The following ARHGAP20 variants were observed in gnomAD, a reference collection of about 807,000 sequenced individuals.
The protein encoded by ARHGAP20 is rho GTPase-activating protein 20.
Under a neutral mutation model 73.7 loss-of-function variants are expected in ARHGAP20, and 34 were observed. That is an observed-to-expected ratio of 0.46 (90% CI 0.35 to 0.61). The LOEUF (loss-of-function observed/expected upper bound fraction) is 0.61. ARHGAP20 is among the 20% of genes least tolerant of loss of function. The pLI, the probability that ARHGAP20 is intolerant of heterozygous loss-of-function variation, is 0.00. For missense variants in ARHGAP20, 1,314 were observed against 1,420.9 expected (o/e 0.92, Z 1.21); for synonymous variants, 523 against 518.2 (o/e 1.01, Z -0.13).
chr11:110,686,051 A>G (rs2135105361), intron 2 of ARHGAP20, among the ~76,000 whole-genome samples: 1 of 152,240 alleles, frequency 6.6e-6, no homozygotes, highest in South Asian at 2.1e-4. Context: ...CTATTTGCAA[A>G]AATTTGCATT....
chr11:110,648,154 A>AATATATATATATATATGTAAAT (rs370220401), intron 2 of ARHGAP20, among the ~76,000 whole-genome samples: 1 of 131,316 alleles, frequency 7.6e-6, no homozygotes, highest in Non-Finnish European at 1.6e-5. Context: ...TGATATATAT[A>AATATATATATATATATGTAAAT]ATATATATAT....
At chr11:110,640,809 G>A (rs955065979) in intron 2 of ARHGAP20, among the ~76,000 whole-genome samples, 34 of 151,982 alleles carry the variant, frequency 2.2e-4, no homozygotes, top group Admixed American at 2.0e-3. Context: ...TGTATATGAC[G>A]AGTTAATGGG....
chr11:110,634,400 A>G (rs1948920931), intron 2 of ARHGAP20, among the ~76,000 whole-genome samples: 1 of 152,142 alleles, frequency 6.6e-6, no homozygotes, highest in East Asian at 1.9e-4. Context: ...ACTATCCCTC[A>G]TTTTACAGAT....
At chr11:110,588,980 G>A (rs995140656) in intron 11 of ARHGAP20, among the ~76,000 whole-genome samples, 1 of 152,080 alleles carries the variant, frequency 6.6e-6, no homozygotes, top group African/African-American at 2.4e-5. Flanking sequence ...GCTGAGGCAG[G>A]AGAATGGCGT....
chr11:110,587,304 C>T (rs984485107), intron 11 of ARHGAP20, among the ~76,000 whole-genome samples: 33 of 152,148 alleles, frequency 2.2e-4, no homozygotes, highest in Admixed American at 6.5e-5. Context: ...AACTCAATAT[C>T]GTGTTTAAGT....
At chr11:110,681,767 A>G (rs1565474980) in intron 2 of ARHGAP20, among the ~76,000 whole-genome samples, 1 of 152,212 alleles carries the variant, frequency 6.6e-6, no homozygotes, top group Admixed American at 6.5e-5. Flanking sequence ...GAATGAACCC[A>G]AAGTGGAAGC....
Position 110,580,250 on chromosome 11 carries a change from A to G in ARHGAP20, c.2696T>C (p.Ile899Thr). 6.2e-7 allele frequency: 1 copy of G among 1,614,246 alleles called. No individual in the cohort carries two copies. Among genetic ancestry groups the G allele is most frequent in the Non-Finnish European group, 8.5e-7 (1 of 1,180,040 alleles). The stretch of plus-strand genomic sequence containing the variant: ...AATCCCCATGACTAAACTCTGATTA[A>G]TGAGCTTCTGCCCCTCCATTTGCAA... Reference protein sequence around the residue: ...KSLQMEGQKLINQSLVMGIEV... With the variant: ...KSLQMEGQKLTNQSLVMGIEV... Residue 899 changes from isoleucine (I) to threonine (T), a missense_variant, in exon 15 of 15, where the codon ATT (isoleucine) becomes ACT (threonine). Physicochemically the swap from Ile to Thr is moderately conservative, Grantham distance 89 (BLOSUM62 -1). Transcript: ENST00000683387.
At chr11:110,634,446 C>G (rs1948921715) in intron 2 of ARHGAP20, among the ~76,000 whole-genome samples, 1 of 152,052 alleles carries the variant, frequency 6.6e-6, no homozygotes, top group African/African-American at 2.4e-5. Context: ...TATACTGCTA[C>G]TAAGGTGATT....
chr11:110,668,392 G>T (rs554288604), intron 2 of ARHGAP20, among the ~76,000 whole-genome samples: 1 of 152,310 alleles, frequency 6.6e-6, no homozygotes, highest in South Asian at 2.1e-4. Context: ...GCTCACACCT[G>T]TAATCCCAGC....
intron 2 of ARHGAP20, among the ~76,000 whole-genome samples, chr11:110,651,742 C>T (rs902023741): frequency 2.2e-5 from 3 of 135,336 alleles, no homozygotes; most frequent in African/African-American, 9.2e-5. Context: ...AAACAGCCTA[C>T]CAACCAAAAA....
chr11:110,646,935 A>G (rs1267856966), intron 2 of ARHGAP20, among the ~76,000 whole-genome samples: 1 of 152,122 alleles, frequency 6.6e-6, no homozygotes, highest in Non-Finnish European at 1.5e-5. Context: ...GAAGCACATA[A>G]CAGATACTTG....
intron 2 of ARHGAP20, among the ~76,000 whole-genome samples, chr11:110,639,744 C>G (rs1949043002): frequency 6.6e-6 from 1 of 151,944 alleles, no homozygotes; most frequent in Non-Finnish European, 1.5e-5. Context: ...AAGATCTGTT[C>G]ATGTTGTAGC....
intron 9 of ARHGAP20, among the ~76,000 whole-genome samples, chr11:110,599,438 C>T (rs960911718): frequency 2.0e-5 from 3 of 152,200 alleles, no homozygotes; most frequent in South Asian, 2.1e-4. Context: ...GGAAGCCGAT[C>T]GGGGGCTGAG....
At position 110,577,792 on chromosome 11, in the gene ARHGAP20, C is replaced by A. The variant is rs767750857; in HGVS notation, c.*1578G>T. 80 of 985,712 alleles carry A rather than the reference C, an allele frequency of 8.1e-5. No individual in the cohort carries two copies. Among genetic ancestry groups the A allele is most frequent in the Non-Finnish European group, 9.0e-5 (75 of 829,934 alleles). The allele number at this position is 985,712 out of a possible 1,614,324, so 61.1% of individuals were successfully genotyped here. A position where few individuals can be genotyped will look rare whatever the true frequency, so the allele number is the denominator to read the frequency against. Reference sequence around the variant, plus strand: ...GGCCATGTCCCCAAGAGGTAGGTAGCACCTATAGCTAATACTGAAATAACT... The same window carrying A: ...GGCCATGTCCCCAAGAGGTAGGTAGAACCTATAGCTAATACTGAAATAACT... On this transcript the variant is annotated 3_prime_UTR_variant, in exon 15 of 15. Transcript: ENST00000683387.
At position 110,595,380 on chromosome 11, in the gene ARHGAP20, A is replaced by G. The variant is rs1158546604; in HGVS notation, c.965-3225T>C. On this transcript the variant is annotated intron_variant, in intron 9 of 14. Coordinates refer to ENST00000683387, the MANE Select transcript of ARHGAP20 (RefSeq NM_001384657.1). ...CCCTGTTTGCAGATGACACGATTGTATATCTAGAAAACCCCATGGTCTCAG... is the reference window on the plus strand; with the variant it reads ...CCCTGTTTGCAGATGACACGATTGTGTATCTAGAAAACCCCATGGTCTCAG... Among the ~76,000 whole-genome samples, 4 of 152,224 alleles carry G rather than the reference A, an allele frequency of 2.6e-5. No homozygotes were observed. In the South Asian group the frequency reaches 8.3e-4, roughly 32 times the overall value.
At chr11:110,636,306 T>C (rs565893516) in intron 2 of ARHGAP20, among the ~76,000 whole-genome samples, 1 of 152,130 alleles carries the variant, frequency 6.6e-6, no homozygotes, top group African/African-American at 2.4e-5. Flanking sequence ...GGTTTGAGGA[T>C]CCCTGGTTTA....
intron 11 of ARHGAP20, among the ~76,000 whole-genome samples, chr11:110,588,150 G>A (rs1444961680): frequency 6.6e-6 from 1 of 152,154 alleles, no homozygotes; most frequent in African/African-American, 2.4e-5. Context: ...GGAATAACAA[G>A]TTACGAAATA....
chr11:110,627,538 C>T (rs945981007), intron 3 of ARHGAP20, among the ~76,000 whole-genome samples: 1 of 152,162 alleles, frequency 6.6e-6, no homozygotes, highest in African/African-American at 2.4e-5. Flanking sequence ...GATTTCTCCC[C>T]ATTCTAAGAT....
intron 6 of ARHGAP20, among the ~76,000 whole-genome samples, chr11:110,613,808 T>C (rs998078680): frequency 2.6e-5 from 4 of 152,330 alleles, no homozygotes; most frequent in African/African-American, 9.6e-5. Flanking sequence ...ATAACTATTT[T>C]GCACTACATA....
Sources: allele counts gnomAD v4.1 joint callset (sites outside exome capture counted in the v4.1 genomes callset), GRCh38; gene constraint gnomAD v4.1.1; transcripts MANE v1.5; gene names NCBI Gene and HGNC (gene_info 2026-07-23, HGNC 2026-07-21).